CCT6A: variants seen among roughly 807,000 people sequenced by gnomAD.
CCT6A encodes chaperonin containing TCP1 subunit 6A, also known as T-complex protein 1 subunit zeta.
CCT6A carries 6 observed loss-of-function variants against 58.6 expected under a neutral mutation model. The ratio of observed to expected loss-of-function variants is 0.10; its 90% CI spans 0.06 to 0.20. The LOEUF (loss-of-function observed/expected upper bound fraction) is 0.20. CCT6A is among the 10% of genes least tolerant of loss of function. The probability of loss-of-function intolerance (pLI) is 1.00; values close to 1 mark genes in which losing one functional copy is unlikely to be tolerated. For synonymous variants in CCT6A, 245 were observed against 227.8 expected (o/e 1.08, Z -0.68); for missense variants, 516 against 648.8 (o/e 0.80, Z 2.22).
Position 56,054,484 on chromosome 7 carries a change from C to T in CCT6A, c.317C>T (p.Ala106Val), listed in dbSNP as rs1194472414. Residue 106 changes from alanine (A) to valine (V), a missense_variant, in exon 3 of 14, where the codon GCG becomes GTG. Physicochemically the swap from Ala to Val is moderately conservative, Grantham distance 64 (BLOSUM62 0). Transcript: ENST00000275603. Reference sequence around the variant, plus strand: ...ATCATTGGAGAGCTGCTGAAACAGGCGGATCTCTACATTTCTGAAGTATGC... The same window carrying T: ...ATCATTGGAGAGCTGCTGAAACAGGTGGATCTCTACATTTCTGAAGTATGC... ...VLIIGELLKQ[A>V]DLYISEGLHP... The T allele has an allele frequency of 5.6e-6, 9 of 1,612,484 alleles. No homozygotes were observed. The highest frequency in any genetic ancestry group is 3.3e-5 in the Admixed American group (2 of 59,976).
intron 6 of CCT6A, 63 bp from the exon 7 acceptor site, chr7:56,058,299 C>T: frequency 1.6e-6 from 2 of 1,237,550 alleles, no homozygotes; most frequent in Non-Finnish European, 2.3e-6. Context: ...AGGACTAATC[C>T]AGTTTCAGAA....
chr7:56,061,753 G>A lies in CCT6A; in HGVS notation c.1354G>A (p.Ala452Thr), dbSNP rs763952369. ...TTAAATTTGTTTACTTTAGGTTCTT[G>A]CTCAGAACTCTGGTTTTGACCTTCA... ...DALLIIPKVL[A>T]QNSGFDLQET... The change falls in exon 12 of 14, where the codon GCT becomes ACT. Residue 452 changes from alanine (A) to threonine (T), a missense_variant. Ala to Thr is a moderately conservative substitution (Grantham distance 58). Coordinates refer to ENST00000275603, the MANE Select transcript of CCT6A (RefSeq NM_001762.4). 2 of 1,461,694 alleles carry A rather than the reference G, an allele frequency of 1.4e-6. No homozygotes were observed. The highest frequency in any genetic ancestry group is 1.8e-6 in the Non-Finnish European group (2 of 1,095,896). The allele number at this position is 1,461,694 out of a possible 1,614,324, so 90.5% of individuals were successfully genotyped here. A position where few individuals can be genotyped will look rare whatever the true frequency, so the allele number is the denominator to read the frequency against.
chr7:56,051,780 T>A lies in CCT6A; in HGVS notation c.-69T>A. ...CGACTTTTCCAGAAGACCCGGATAG[T>A]TCCTCCCGGCCACGCCGCGCCGGCT... On this transcript the variant is annotated 5_prime_UTR_variant, in exon 1 of 14. Transcript: ENST00000275603. 2 of 1,527,426 alleles carry A rather than the reference T, an allele frequency of 1.3e-6. No homozygotes were observed. Among genetic ancestry groups the A allele is most frequent in the Middle Eastern group, 2.3e-4 (1 of 4,314 alleles). 94.6% of individuals were successfully genotyped at this position (1,527,426 alleles called of 1,614,324 possible).
chr7:56,056,077 G>A (rs1562849509), intron 4 of CCT6A, among the ~76,000 whole-genome samples: 1 of 146,024 alleles, frequency 6.8e-6, no homozygotes, highest in Non-Finnish European at 1.5e-5. Context: ...TTAATAAAAC[G>A]AGGAATGTTA....
intron 9 of CCT6A, 26 bp downstream of exon 9, chr7:56,059,666 A>G: frequency 9.1e-7 from 1 of 1,095,024 alleles, no homozygotes; most frequent in Non-Finnish European, 1.4e-6. Flanking sequence ...TCTTAAAGGT[A>G]ATAGAACCTT....
intron 12 of CCT6A, 50 bp from the exon 13 acceptor site, chr7:56,062,633 T>C (rs1191960415): frequency 2.1e-6 from 3 of 1,406,100 alleles, no homozygotes; most frequent in Non-Finnish European, 3.0e-6. Context: ...GCACACAATA[T>C]TGTTGGTTCT....
chr7:56,060,352 A>G lies in CCT6A; in HGVS notation c.1149A>G (p.Thr383=), dbSNP rs1169445544. 1.2e-6 allele frequency: 2 copies of G among 1,613,814 alleles called. No individual in the cohort carries two copies. The highest frequency in any genetic ancestry group is 3.3e-5 in the Admixed American group (2 of 59,988). Reference sequence around the variant, plus strand: ...TGATCAAAGGACCAAATAAGCACACACTCACTCAGATCAAAGATGCAGTGA... The same window carrying G: ...TGATCAAAGGACCAAATAAGCACACGCTCACTCAGATCAAAGATGCAGTGA... The part of the protein sequence containing the change: ...TLLIKGPNKH[T]LTQIKDAVRD... Residue 383 remains threonine (T), a synonymous_variant, in exon 10 of 14, where the codon ACA becomes ACG. Coordinates refer to ENST00000275603, the MANE Select transcript of CCT6A (RefSeq NM_001762.4).
Position 56,063,864 on chromosome 7 carries a change from T to G in CCT6A, c.*779T>G. On this transcript the variant is annotated 3_prime_UTR_variant, in exon 14 of 14. Coordinates refer to ENST00000275603, the MANE Select transcript of CCT6A (RefSeq NM_001762.4). ...TCACCCAAATTACGTTTCCACGAGA[T>G]TATTTATATATAGTTGGTCTATCTC... is the stretch of plus-strand genomic sequence containing the variant. 1 of 183,458 alleles carries G rather than the reference T, an allele frequency of 5.5e-6. No individual in the cohort carries two copies. The highest frequency in any genetic ancestry group is 1.1e-5 in the Non-Finnish European group (1 of 88,352). The allele number at this position is 183,458 out of a possible 1,614,324, so 11.4% of individuals were successfully genotyped here.
chr7:56,059,444 G>T, intron 8 of CCT6A, 100 bp from the exon 9 acceptor site: 1 of 712,634 alleles, frequency 1.4e-6, no homozygotes, highest in East Asian at 2.5e-5. Flanking sequence ...ATTTAATTTT[G>T]TGTGTAATTC....
At chr7:56,059,680 G>A in intron 9 of CCT6A, 40 bp downstream of exon 9, 1 of 984,350 alleles carries the variant, frequency 1.0e-6, no homozygotes, top group Non-Finnish European at 1.6e-6. Context: ...GAACCTTTTA[G>A]CTCGTGAATT....
chr7:56,053,617 G>A (rs1212199500), intron 2 of CCT6A, among the ~76,000 whole-genome samples: 5 of 152,082 alleles, frequency 3.3e-5, no homozygotes, highest in African/African-American at 1.2e-4. Flanking sequence ...AGCCGGGTGT[G>A]GTCCTGCACG....
At position 56,061,674 on chromosome 7, in the gene CCT6A, T is replaced by TC. The variant is rs369383360; in HGVS notation, c.1348-73_1348-72insC. ...GATTTTCTTTTTCTTTTTTCTTTTT[T>TC]TTTTTTTTTTTTTTTTTTTTACTAT... is the stretch of plus-strand genomic sequence containing the variant. On this transcript the variant is annotated intron_variant, in intron 11 of 13. Coordinates refer to ENST00000275603, the MANE Select transcript of CCT6A (RefSeq NM_001762.4). The TC allele has an allele frequency of 4.5e-4, 110 of 246,984 alleles. 5 individuals are homozygous for TC. The highest frequency in any genetic ancestry group is 1.4e-3 in the Middle Eastern group (1 of 732). 15.3% of individuals were successfully genotyped at this position (246,984 alleles called of 1,614,324 possible). A position where few individuals can be genotyped will look rare whatever the true frequency, so the allele number is the denominator to read the frequency against.
intron 8 of CCT6A, chr7:56,058,950 T>G (rs1405859657): frequency 1.0e-5 from 3 of 286,676 alleles, no homozygotes; most frequent in African/African-American, 2.2e-5. Flanking sequence ...TTATTTTACT[T>G]TTTGTTTCTG....
At chr7:56,062,474 G>A in intron 12 of CCT6A, 1 of 606,850 alleles carries the variant, frequency 1.6e-6, no homozygotes, top group South Asian at 2.0e-5. Context: ...GAAGAGAGGG[G>A]TGTTCAGGAC....
chr7:56,051,815 C>G lies in CCT6A; in HGVS notation c.-34C>G, dbSNP rs764896645. 5 of 1,546,848 alleles carry G rather than the reference C, an allele frequency of 3.2e-6. No homozygotes were observed. Among genetic ancestry groups the G allele is most frequent in the African/African-American group, 2.8e-5 (2 of 72,080 alleles). On this transcript the variant is annotated 5_prime_UTR_variant, in exon 1 of 14. Transcript: ENST00000275603. ...CCACGCCGCGCCGGCTCTGGGCACT[C>G]AGCATCGTTTCCTTTTCCTCCGCTG...
chr7:56,056,377 A>G lies in CCT6A; in HGVS notation c.577A>G (p.Ile193Val), dbSNP rs1318989125. Residue 193 changes from isoleucine (I) to valine (V), a missense_variant, in exon 5 of 14, where the codon ATC becomes GTC. Ile to Val is a conservative substitution (Grantham distance 29). Around this residue, in one of 3 missense-constraint regions of CCT6A, gnomAD observed 85 missense variants for 74.9 expected, o/e 1.13. Coordinates refer to ENST00000275603, the MANE Select transcript of CCT6A (RefSeq NM_001762.4). ...ACCTATTGATCTCTTCATGATTGAG[A>G]TCATGGAGATGAAACATAAATCTGA... ...DEPIDLFMIE[I>V]MEMKHKSETD... 6.3e-7 allele frequency: 1 copy of G among 1,594,002 alleles called. No homozygotes were observed. The highest frequency in any genetic ancestry group is 1.1e-5 in the South Asian group (1 of 90,672).
chr7:56,058,143 C>T (rs369940433), intron 6 of CCT6A, 40 bp downstream of exon 6: 109 of 1,188,522 alleles, frequency 9.2e-5, no homozygotes, highest in African/African-American at 7.1e-4. Flanking sequence ...GGAGAAGCTT[C>T]GTATTTTAGG....
chr7:56,055,831 T>G (rs772643463), intron 4 of CCT6A, 34 bp downstream of exon 4: 32 of 1,457,356 alleles, frequency 2.2e-5, no homozygotes, highest in Non-Finnish European at 3.0e-5. Context: ...TCTGGTATAG[T>G]ATACCTATAT....
rs1265876627 is a variant in CCT6A, at chr7:56,062,831, C to G, written c.1523+76C>G. On this transcript the variant is annotated intron_variant, in intron 13 of 13. Transcript: ENST00000275603. Reference sequence around the variant, plus strand: ...ATTTGGTGTTCTCTGTTTAGTTGCTCCTTTCCCCCATGAATAATGTGATCA... The same window carrying G: ...ATTTGGTGTTCTCTGTTTAGTTGCTGCTTTCCCCCATGAATAATGTGATCA... The G allele has an allele frequency of 4.6e-6, 6 of 1,304,020 alleles. No individual in the cohort carries two copies. The Admixed American group carries it at 5.2e-5, about 11-fold the overall frequency. The allele number at this position is 1,304,020 out of a possible 1,614,324, so 80.8% of individuals were successfully genotyped here. A position where few individuals can be genotyped will look rare whatever the true frequency, so the allele number is the denominator to read the frequency against.
Sources: gnomAD v4.1 joint callset for allele counts (sites outside exome capture counted in the v4.1 genomes callset) on GRCh38, gnomAD v4.1.1 for gene constraint, gnomAD v4.1.1 regional missense constraint, MANE v1.5 for transcripts, NCBI Gene and HGNC (gene_info 2026-07-23, HGNC 2026-07-21) for gene names.